TNN: variants seen among roughly 807,000 people sequenced by gnomAD.
TNN encodes the protein tenascin N.
In TNN, 122 loss-of-function variants were observed where a neutral mutation model predicts 134.4. The ratio of observed to expected loss-of-function variants is 0.91; its 90% confidence interval spans 0.78 to 1.06. The LOEUF is 1.06. Among genes scored for constraint, TNN ranks in the 50% least tolerant of loss-of-function variants. The pLI, the probability that TNN is intolerant of heterozygous loss-of-function variation, is 0.00. For synonymous variants in TNN, 710 were observed against 670.3 expected, an observed-to-expected ratio of 1.06 and a Z score of -0.91; for missense variants, 1,739 against 1,699.4, an observed-to-expected ratio of 1.02 and a Z score of -0.41.
rs760460296 is a variant in TNN, at chr1:175,118,784, G to A, written c.2610G>A (p.Gly870=). ...CGGTGCACGTGTGGGCCCAGAAGGG[G>A]AACCAGGAGAGCAAGAAGGCTGACA... The part of the protein sequence containing the change: ...EYTVHVWAQK[G]NQESKKADTK... Residue 870 remains glycine (G), a synonymous_variant, in exon 11 of 19, where the codon GGG becomes GGA. Coordinates refer to ENST00000239462, the MANE Select transcript of TNN (RefSeq NM_022093.2). The A allele has an allele frequency of 6.2e-7, 1 of 1,614,198 alleles. No individual in the cohort carries two copies. The highest frequency in any genetic ancestry group is 2.2e-5 in the East Asian group (1 of 44,886).
intron 13 of TNN, 101 bp from the exon 14 acceptor site, chr1:175,127,931 A>G: frequency 7.0e-7 from 1 of 1,421,100 alleles, no homozygotes; most frequent in Non-Finnish European, 9.8e-7. Context: ...GTGCTCTCAG[A>G]GAGCTTCTGT....
At chr1:175,097,038 A>G (rs577957052) in intron 7 of TNN, among the ~76,000 whole-genome samples, 1 of 152,360 alleles carries the variant, frequency 6.6e-6, no homozygotes, top group South Asian at 2.1e-4. Flanking sequence ...ATTAGAGCAG[A>G]TGCAGAGGTT....
chr1:175,147,100 A>T lies in TNN; in HGVS notation c.*29A>T, dbSNP rs760134516. 6.6e-6 allele frequency: 10 copies of T among 1,514,402 alleles called. No individual in the cohort carries two copies. The East Asian group carries it at 2.1e-4, about 32-fold the overall frequency. 93.8% of individuals were successfully genotyped at this position (1,514,402 alleles called of 1,614,324 possible). A position where few individuals can be genotyped will look rare whatever the true frequency, so the allele number is the denominator to read the frequency against. ...CCCGTGTGAGCAGTCCTCGCAGGAG[A>T]CACCACCAGCTGTGGCAGCTTGGGG... On this transcript the variant is annotated 3_prime_UTR_variant, in exon 19 of 19. Transcript: ENST00000239462.
Position 175,147,207 on chromosome 1 carries a change from G to A in TNN, c.*136G>A. The A allele has an allele frequency of 3.2e-6, 3 of 951,454 alleles. No homozygotes were observed. Among genetic ancestry groups the A allele is most frequent in the Middle Eastern group, 7.5e-4 (2 of 2,656 alleles). The allele number at this position is 951,454 out of a possible 1,614,324, so 58.9% of individuals were successfully genotyped here. A position where few individuals can be genotyped will look rare whatever the true frequency, so the allele number is the denominator to read the frequency against. On this transcript the variant is annotated 3_prime_UTR_variant, in exon 19 of 19. Transcript: ENST00000239462. The stretch of plus-strand genomic sequence containing the variant: ...TCATGTCACCAAGCTTCAAGCCATG[G>A]AGGTTCCTTCCCTCTCACCTGCATT...
chr1:175,087,415 A>G (rs1674343112), intron 6 of TNN, among the ~76,000 whole-genome samples: 2 of 152,234 alleles, frequency 1.3e-5, no homozygotes. Flanking sequence ...TTAACCTTTT[A>G]TCCGGCGTAG....
chr1:175,112,459 C>A (rs1164783780), intron 9 of TNN, among the ~76,000 whole-genome samples: 1 of 151,828 alleles, frequency 6.6e-6, no homozygotes, highest in East Asian at 1.9e-4. Flanking sequence ...CTCCTGTTTG[C>A]TTTTGGTTTC....
In TNN at chr1:175,079,499, C is replaced by T. The variant is rs766947979; in HGVS notation, c.576C>T (p.Tyr192=). ...GGCGCTGCCTGTGCCATGAGCCCTA[C>T]GTGGGTGCCGACTGCGGCTACCCGG... ...VDGRCLCHEP[Y]VGADCGYPAC... Residue 192 remains tyrosine, a synonymous_variant, in exon 3 of 19, where the codon TAC becomes TAT. Transcript: ENST00000239462. 9.0e-6 allele frequency: 14 copies of T among 1,562,062 alleles called. No homozygotes were observed. The East Asian group carries it at 2.9e-4, about 32-fold the overall frequency.
At chr1:175,138,401 C>T (rs1236306783) in intron 17 of TNN, among the ~76,000 whole-genome samples, 1 of 152,066 alleles carries the variant, frequency 6.6e-6, no homozygotes, top group African/African-American at 2.4e-5. Flanking sequence ...ACATTATAGT[C>T]CCTGAGACCC....
rs555568405 is a variant in TNN, at chr1:175,093,014, C to T, written c.1325-976C>T. ...CTAGAGTGAGTATTCTCCTCAGAAGCCAGAGGGATCCTTTGATAGCCCAAG... is the reference window on the plus strand; with the variant it reads ...CTAGAGTGAGTATTCTCCTCAGAAGTCAGAGGGATCCTTTGATAGCCCAAG... On this transcript the variant is annotated intron_variant, in intron 6 of 18. Transcript: ENST00000239462. 1.6e-4 allele frequency among the ~76,000 whole-genome samples: 24 copies of T among 152,322 alleles called. No homozygotes were observed. In the South Asian group the frequency reaches 4.8e-3, roughly 30 times the overall value.
Position 175,085,449 on chromosome 1 carries a change from A to G in TNN, c.1279A>G (p.Arg427Gly), listed in dbSNP as rs1330131338. ...GTATAAGATCACGGTGGTGCCCATG[A>G]GAGGAGAGCTGGAGGGCAAGCCGAT... is the stretch of plus-strand genomic sequence containing the variant. ...TEYKITVVPMRGELEGKPILL... is the reference protein window; with the variant it reads ...TEYKITVVPMGGELEGKPILL... Residue 427 changes from arginine (R) to glycine (G), a missense_variant, in exon 6 of 19, where the codon AGA becomes GGA. By Grantham distance (125) the Arg-to-Gly change is moderately radical (BLOSUM62 -2). Coordinates refer to ENST00000239462, the MANE Select transcript of TNN (RefSeq NM_022093.2). The G allele has an allele frequency of 6.2e-7, 1 of 1,613,008 alleles. No individual in the cohort carries two copies. Among genetic ancestry groups the G allele is most frequent in the Non-Finnish European group, 8.5e-7 (1 of 1,179,512 alleles).
Position 175,107,325 on chromosome 1 carries a change from G to A in TNN, c.2119+8730G>A, listed in dbSNP as rs545935834. On this transcript the variant is annotated intron_variant, in intron 9 of 18. Transcript: ENST00000239462. ...GGTGAGTGTTACAGCTCTTAAGGTGGCGCATCTGGAGTCTGTCCCTTCTGA... is the reference window on the plus strand; with the variant it reads ...GGTGAGTGTTACAGCTCTTAAGGTGACGCATCTGGAGTCTGTCCCTTCTGA... Among the ~76,000 whole-genome samples the A allele has an allele frequency of 3.3e-4, 48 of 143,690 alleles. 3 individuals carry two copies. In the South Asian group the frequency reaches 0.011, roughly 33 times the overall value. The allele number at this position is 143,690 out of a possible 152,430, so 94.3% of individuals were successfully genotyped here.
intron 2 of TNN, 95 bp downstream of exon 2, chr1:175,077,922 TG>T: frequency 7.8e-7 from 1 of 1,276,098 alleles, no homozygotes; most frequent in South Asian, 1.5e-5. Flanking sequence ...TTTGTGACTC[TG>T]GTGTGCTCCT....
chr1:175,091,352 G>T (rs560599120), intron 6 of TNN, among the ~76,000 whole-genome samples: 3 of 152,208 alleles, frequency 2.0e-5, no homozygotes, highest in African/African-American at 7.2e-5. Flanking sequence ...TAAACCTCCA[G>T]GTCTCCTATA....
At chr1:175,093,853 C>A in intron 6 of TNN, 137 bp from the exon 7 acceptor site, 1 of 823,190 alleles carries the variant, frequency 1.2e-6, no homozygotes, top group Non-Finnish European at 1.9e-6. Context: ...CCACTTGTCA[C>A]TGATGATGGA....
intron 1 of TNN, among the ~76,000 whole-genome samples, chr1:175,072,620 G>A (rs1673940356): frequency 6.6e-6 from 1 of 152,140 alleles, no homozygotes; most frequent in Non-Finnish European, 1.5e-5. Flanking sequence ...TTCCTGCCAC[G>A]TGTTGGAGTG....
At chr1:175,073,375 C>T (rs1423947343) in intron 1 of TNN, among the ~76,000 whole-genome samples, 1 of 152,126 alleles carries the variant, frequency 6.6e-6, no homozygotes, top group Non-Finnish European at 1.5e-5. Context: ...TATTTTTATC[C>T]TACACCTGCC....
intron 6 of TNN, among the ~76,000 whole-genome samples, chr1:175,086,592 T>C (rs1038161966): frequency 6.6e-6 from 1 of 152,226 alleles, no homozygotes; most frequent in Non-Finnish European, 1.5e-5. Flanking sequence ...TTTTTAGTTC[T>C]TTCCAATTCA....
In TNN at chr1:175,077,833, CTCACCACCTGGTATTCAT is replaced by C; in HGVS notation, c.409+10_409+27del. The C allele has an allele frequency of 2.5e-6, 4 of 1,605,570 alleles. No homozygotes were observed. Among genetic ancestry groups the C allele is most frequent in the Non-Finnish European group, 3.4e-6 (4 of 1,173,308 alleles). ...CTGCTGCCAGGGAGTCACTGGTGAG[CTCACCACCTGGTATTCAT>C]TCAACAAACATTTGATGAGCACCTA... On this transcript the variant is annotated splice_region_variant and intron_variant, in intron 2 of 18. Coordinates refer to ENST00000239462, the MANE Select transcript of TNN (RefSeq NM_022093.2).
chr1:175,070,416 G>A (rs907782557), intron 1 of TNN, among the ~76,000 whole-genome samples: 12 of 152,190 alleles, frequency 7.9e-5, no homozygotes, highest in Admixed American at 2.6e-4. Context: ...AGCCTCAGGC[G>A]GGTGGGCAGA....
Sources: gnomAD v4.1 joint callset for allele counts (sites outside exome capture counted in the v4.1 genomes callset) on GRCh38, gnomAD v4.1.1 for gene constraint, MANE v1.5 for transcripts, NCBI Gene and HGNC (gene_info 2026-07-23, HGNC 2026-07-21) for gene names.